Variants in DNAAF5 observed in about 807,000 individuals in gnomAD.
DNAAF5 encodes dynein axonemal assembly factor 5.
A neutral mutation model predicts 75.8 loss-of-function variants in DNAAF5; 64 were observed. That is an observed-to-expected ratio of 0.84 (90% CI 0.69 to 1.04). DNAAF5 has a LOEUF of 1.04. Ranked by LOEUF, DNAAF5 falls within the 50% of genes least tolerant of loss-of-function variation. The pLI is 0.00. For missense variants in DNAAF5, 1,269 were observed against 1,178.5 expected, an observed-to-expected ratio of 1.08 and a Z score of -1.12; for synonymous variants, 657 against 557.2, an observed-to-expected ratio of 1.18 and a Z score of -2.52.
In DNAAF5 at chr7:726,732, G is replaced by A. The variant is rs1781306005; in HGVS notation, c.12G>A (p.Leu4=). Residue 4 remains leucine (L), a synonymous_variant, in exon 1 of 13, where the codon CTG becomes CTA. Coordinates refer to ENST00000297440, the MANE Select transcript of DNAAF5 (RefSeq NM_017802.4). ...GCGACGCGGGCAAGATGGCGGCGCT[G>A]GGGGTGGCGGAGGCCGTGGCGGCCC... MAA[L]GVAEAVAAPH... The A allele has an allele frequency of 2.4e-6, 3 of 1,242,852 alleles. No homozygotes were observed. The highest frequency in any genetic ancestry group is 3.2e-5 in the East Asian group (1 of 31,704). The allele number at this position is 1,242,852 out of a possible 1,614,324, so 77.0% of individuals were successfully genotyped here.
At chr7:762,379 C>T (rs1782686974) in intron 7 of DNAAF5, among the ~76,000 whole-genome samples, 1 of 151,530 alleles carries the variant, frequency 6.6e-6, no homozygotes, top group African/African-American at 2.4e-5. Flanking sequence ...CCCAGCTACT[C>T]AGGAGGCTGA....
chr7:779,634 C>T (rs1583523931), intron 11 of DNAAF5, among the ~76,000 whole-genome samples: 1 of 152,060 alleles, frequency 6.6e-6, no homozygotes, highest in Admixed American at 6.6e-5. Context: ...CAGGTGAGCA[C>T]ACAGCTGCGA....
At position 781,425 on chromosome 7, in the gene DNAAF5, G is replaced by A. The variant is rs143572307; in HGVS notation, c.2431+1281G>A. Among the ~76,000 whole-genome samples, 844 of 152,200 alleles carry A rather than the reference G, an allele frequency of 5.5e-3. 10 individuals carry two copies. The highest frequency in any genetic ancestry group is 0.019 in the African/African-American group (805 of 41,526). On this transcript the variant is annotated intron_variant, in intron 12 of 12. Coordinates refer to ENST00000297440, the MANE Select transcript of DNAAF5 (RefSeq NM_017802.4). ...GTTTTCCTTCTCCCTTCATCTGTCCGTGGACACCCCGGTTGCTTCCACACC... is the reference window on the plus strand; with the variant it reads ...GTTTTCCTTCTCCCTTCATCTGTCCATGGACACCCCGGTTGCTTCCACACC...
intron 12 of DNAAF5, among the ~76,000 whole-genome samples, chr7:782,583 C>G (rs1779001683): frequency 1.4e-5 from 2 of 139,912 alleles, no homozygotes; most frequent in East Asian, 2.2e-4. Flanking sequence ...TCGGATCTTC[C>G]CGGCGTGGCC....
At chr7:739,433 A>G (rs927798150) in intron 2 of DNAAF5, among the ~76,000 whole-genome samples, 1 of 152,190 alleles carries the variant, frequency 6.6e-6, no homozygotes, top group African/African-American at 2.4e-5. Context: ...GGGACTCTCT[A>G]GCCAGGTGGT....
rs1312034894 is a variant in DNAAF5 at position 780,050 on chromosome 7, A to G, written c.2337A>G (p.Ala779=). The G allele has an allele frequency of 1.1e-5, 18 of 1,614,228 alleles. No individual in the cohort carries two copies. The highest frequency in any genetic ancestry group is 1.5e-5 in the Non-Finnish European group (18 of 1,180,026). ...TWLQCVKGAN[A]KSYYQSSVQY... is the part of the protein sequence containing the mutation. ...TGCAGTGTGTCAAGGGTGCCAACGC[A>G]AAATCCTACTATCAGAGCAGTGTCC... Residue 779 remains alanine, a synonymous_variant, in exon 12 of 13, where the codon GCA becomes GCG. Transcript: ENST00000297440.
chr7:732,152 C>T (rs1173662747), intron 2 of DNAAF5, among the ~76,000 whole-genome samples: 2 of 152,250 alleles, frequency 1.3e-5, no homozygotes, highest in Non-Finnish European at 2.9e-5. Flanking sequence ...AAGGTCAGGA[C>T]ACAGGCGGTC....
intron 2 of DNAAF5, 140 bp downstream of exon 2, chr7:729,987 C>T (rs531115192): frequency 2.2e-4 from 173 of 782,558 alleles, no homozygotes; most frequent in South Asian, 2.9e-4. Context: ...AGTCACAGGA[C>T]GTTCCTGTTC....
rs1462668005 is a variant in DNAAF5 at position 754,464 on chromosome 7, C to T, written c.1025-125C>T. The T allele has an allele frequency of 1.2e-6, 1 of 831,418 alleles. No homozygotes were observed. The highest frequency in any genetic ancestry group is 1.7e-5 in the African/African-American group (1 of 59,482). The allele number at this position is 831,418 out of a possible 1,614,324, so 51.5% of individuals were successfully genotyped here. ...GCATTTGTCAGCTTTGCGTCCACCC[C>T]AAGACTTGTTTTGAAATGGTGAGGT... On this transcript the variant is annotated intron_variant, in intron 4 of 12. Transcript: ENST00000297440. The surrounding 1 kb of genome is among the most constrained non-coding windows in gnomAD (Gnocchi z 4.8).
chr7:768,832 A>C, intron 8 of DNAAF5: 1 of 316,704 alleles, frequency 3.2e-6, no homozygotes, highest in South Asian at 8.2e-5. Context: ...TTTTGTTTTT[A>C]AGCCAGAAAC....
Position 761,745 on chromosome 7 carries a change from T to C in DNAAF5, c.1471-8T>C. The C allele has an allele frequency of 1.9e-6, 3 of 1,596,662 alleles. No individual in the cohort carries two copies. Among genetic ancestry groups the C allele is most frequent in the Non-Finnish European group, 2.6e-6 (3 of 1,172,362 alleles). On this transcript the variant is annotated splice_region_variant and splice_polypyrimidine_tract_variant and intron_variant, in intron 6 of 12. Transcript: ENST00000297440. ...CCAAGCTCTGACGGTGCTGCCGGTCTCTTCCAGGACCTCTACCTGGAGCGC... is the reference window on the plus strand; with the variant it reads ...CCAAGCTCTGACGGTGCTGCCGGTCCCTTCCAGGACCTCTACCTGGAGCGC...
chr7:740,436 C>T (rs192233534), intron 2 of DNAAF5, among the ~76,000 whole-genome samples: 1 of 152,356 alleles, frequency 6.6e-6, no homozygotes, highest in Non-Finnish European at 1.5e-5. Context: ...GAGACAGGCC[C>T]AGCCCGGCCA....
chr7:783,733 C>A (rs996024563), intron 12 of DNAAF5, among the ~76,000 whole-genome samples: 1 of 151,838 alleles, frequency 6.6e-6, no homozygotes, highest in Non-Finnish European at 1.5e-5. Flanking sequence ...CCCCACACTC[C>A]CTGGCAAATC....
At chr7:769,606 A>G (rs961642886) in intron 8 of DNAAF5, among the ~76,000 whole-genome samples, 8 of 152,228 alleles carry the variant, frequency 5.3e-5, no homozygotes, top group African/African-American at 1.7e-4. Flanking sequence ...TGTTTCAACT[A>G]TTGCTTGACT....
At position 729,666 on chromosome 7, in the gene DNAAF5, A is replaced by T; in HGVS notation, c.599A>T (p.His200Leu). 2.5e-6 allele frequency: 4 copies of T among 1,613,502 alleles called. No homozygotes were observed. Among genetic ancestry groups the T allele is most frequent in the Non-Finnish European group, 3.4e-6 (4 of 1,179,730 alleles). Residue 200 changes from histidine (H) to leucine (L), a missense_variant, in exon 2 of 13, where the codon CAC (histidine) becomes CTC (leucine). Physicochemically the swap from His to Leu is moderately conservative, Grantham distance 99. Transcript: ENST00000297440. ...TGGGGGCCTCCCTGTCCCTCAGACC[A>T]CTTCCACATGCAGTCGGAGTCTCTG... The part of the protein sequence containing the change: ...AAALAQATPD[H>L]FHMQSESLIG...
intron 12 of DNAAF5, among the ~76,000 whole-genome samples, chr7:781,258 C>T (rs997996775): frequency 2.6e-5 from 4 of 152,202 alleles, no homozygotes; most frequent in African/African-American, 9.6e-5. Flanking sequence ...TTAGTTCCCA[C>T]AAATGAGAAT....
chr7:771,672 C>T (rs1165814103), intron 9 of DNAAF5: 2 of 152,270 alleles, frequency 1.3e-5, no homozygotes, highest in African/African-American at 4.8e-5. Flanking sequence ...TGGCAGCTGT[C>T]CAGCTTGCAG....
At chr7:769,968 T>C (rs1287396485) in intron 8 of DNAAF5, among the ~76,000 whole-genome samples, 2 of 152,118 alleles carry the variant, frequency 1.3e-5, no homozygotes, top group African/African-American at 4.8e-5. Context: ...TTTTGTTTTT[T>C]TGAGACATAG....
chr7:729,814 T>C lies in DNAAF5; in HGVS notation c.747T>C (p.His249=), dbSNP rs778860309. The C allele has an allele frequency of 9.9e-6, 16 of 1,614,062 alleles. No individual in the cohort carries two copies. Among genetic ancestry groups the C allele is most frequent in the Non-Finnish European group, 1.1e-5 (13 of 1,180,038 alleles). The change falls in exon 2 of 13, where the codon CAT becomes CAC. Residue 249 remains histidine (H), a synonymous_variant. Transcript: ENST00000297440. ...NGKSVDDVLS[H]FAQRLFDDVP... ...AGTCCGTGGACGACGTGCTTTCCCA[T>C]TTTGCTCAGCGACTGTTTGATGACG...
Sources: gnomAD v4.1 joint callset for allele counts (sites outside exome capture counted in the v4.1 genomes callset) on GRCh38, gnomAD v4.1.1 for gene constraint, Gnocchi (gnomAD v3.1) non-coding constraint, MANE v1.5 for transcripts, NCBI Gene and HGNC (gene_info 2026-07-23, HGNC 2026-07-21) for gene names.